SYNE3: variants seen among roughly 807,000 people sequenced by gnomAD.
SYNE3 encodes the protein nesprin-3.
SYNE3 carries 100 observed loss-of-function variants against 111.2 expected under a neutral mutation model. That is an observed-to-expected ratio of 0.90 (90% confidence interval 0.77 to 1.06). The LOEUF is 1.06. Ranked by LOEUF, SYNE3 falls within the 50% of genes least tolerant of loss-of-function variation. The pLI is 0.00. For missense variants in SYNE3, 1,160 were observed against 1,240.3 expected, an observed-to-expected ratio of 0.94 and a Z score of 0.97; for synonymous variants, 547 against 533.9, an observed-to-expected ratio of 1.02 and a Z score of -0.34.
intron 15 of SYNE3, among the ~76,000 whole-genome samples, chr14:95,434,167 G>T (rs943340396): frequency 6.6e-6 from 1 of 151,706 alleles, no homozygotes; most frequent in South Asian, 2.1e-4. Flanking sequence ...TAGATAATTG[G>T]GACCAAACCT....
At chr14:95,504,823 AAAAAAG>A (rs1226162016) in intron 1 of SYNE3, among the ~76,000 whole-genome samples, 4 of 22,462 alleles carry the variant, frequency 1.8e-4, no homozygotes, top group African/African-American at 1.2e-3. Flanking sequence ...TCTATCTAAA[AAAAAAG>A]AAAAAAGAAA....
chr14:95,466,015 G>C lies in SYNE3; in HGVS notation c.543C>G (p.Phe181Leu). 1 of 1,612,104 alleles carries C rather than the reference G, an allele frequency of 6.2e-7. No individual in the cohort carries two copies. The highest frequency in any genetic ancestry group is 8.5e-7 in the Non-Finnish European group (1 of 1,178,346). The change falls in exon 4 of 18, where the codon TTC becomes TTG. Residue 181 changes from phenylalanine to leucine, a missense_variant. Coordinates refer to ENST00000682763, the MANE Select transcript of SYNE3 (RefSeq NM_152592.6). The stretch of plus-strand genomic sequence containing the variant: ...CCACGCTGGGGTCCCCGATCCTGTT[G>C]AACAGGGAGGCTGCCTCCTCCAGCA... ...DRLLEEAASL[F>L]NRIGDPSVDE... is the part of the protein sequence containing the mutation.
rs147475911 is a variant in SYNE3 at position 95,497,613 on chromosome 14, C to T, written c.-15+18983G>A. On this transcript the variant is annotated intron_variant, in intron 1 of 17. Coordinates refer to ENST00000682763, the MANE Select transcript of SYNE3 (RefSeq NM_152592.6). ...GACTGCAAAGCGCTGCACTCTAGAG[C>T]GAGGGTTGGCAGACTGTTTCTGGAG... Among the ~76,000 whole-genome samples the T allele has an allele frequency of 5.3e-5, 8 of 152,232 alleles. No individual in the cohort carries two copies. In the East Asian group the frequency reaches 5.8e-4, roughly 11 times the overall value.
chr14:95,472,787 G>A (rs531757627), intron 2 of SYNE3, among the ~76,000 whole-genome samples: 9 of 152,258 alleles, frequency 5.9e-5, no homozygotes, highest in African/African-American at 1.9e-4. Flanking sequence ...CCCACCCCAC[G>A]AGGATTCTGG....
Position 95,459,627 on chromosome 14 carries a change from A to G in SYNE3, c.628-2289T>C, listed in dbSNP as rs189416562. On this transcript the variant is annotated intron_variant, in intron 4 of 17. Coordinates refer to ENST00000682763, the MANE Select transcript of SYNE3 (RefSeq NM_152592.6). ...AAGAGTGAACGGGTAAGTGCATCTG[A>G]AAAACCCCTTAGCTCTTTCACATAT... Among the ~76,000 whole-genome samples, 581 of 152,298 alleles carry G rather than the reference A, an allele frequency of 3.8e-3. 2 individuals are homozygous for G. Among genetic ancestry groups the G allele is most frequent in the African/African-American group, 0.013 (554 of 41,548 alleles).
At chr14:95,516,298 T>C (rs1890925739) in intron 1 of SYNE3, 2 of 152,116 alleles carry the variant, frequency 1.3e-5, no homozygotes, top group South Asian at 2.1e-4. Context: ...CCCGGGGCTT[T>C]AGGGCTTTTT....
At chr14:95,480,211 A>G (rs1306057756) in intron 1 of SYNE3, among the ~76,000 whole-genome samples, 1 of 152,032 alleles carries the variant, frequency 6.6e-6, no homozygotes, top group Non-Finnish European at 1.5e-5. Context: ...GCAGCGGGAG[A>G]GTAGGGCTCT....
intron 1 of SYNE3, among the ~76,000 whole-genome samples, chr14:95,499,945 C>T (rs969238176): frequency 1.5e-4 from 22 of 144,380 alleles, no homozygotes; most frequent in Non-Finnish European, 2.4e-4. Flanking sequence ...CTGCAACCTC[C>T]GCCTCCCATG....
At chr14:95,495,468 A>T (rs1381688517) in intron 1 of SYNE3, among the ~76,000 whole-genome samples, 2 of 152,320 alleles carry the variant, frequency 1.3e-5, no homozygotes, top group East Asian at 3.9e-4. Flanking sequence ...GTTGGGTAAA[A>T]TGTTATCAAA....
intron 17 of SYNE3, among the ~76,000 whole-genome samples, chr14:95,420,783 A>G (rs1331443240): frequency 1.3e-5 from 2 of 152,164 alleles, no homozygotes; most frequent in Non-Finnish European, 2.9e-5. Context: ...GCCAACAAGA[A>G]AAATGACAAT....
chr14:95,456,007 T>G (rs1887417860), intron 5 of SYNE3: 10 of 441,840 alleles, frequency 2.3e-5, no homozygotes, highest in Non-Finnish European at 4.0e-5. Context: ...TTTCTGACAT[T>G]TGTTTATCTT....
At chr14:95,472,242 G>T (rs1888572757) in intron 2 of SYNE3, among the ~76,000 whole-genome samples, 1 of 152,250 alleles carries the variant, frequency 6.6e-6, no homozygotes, top group South Asian at 2.1e-4. Flanking sequence ...ACACCAGGGT[G>T]CTCCTGACCA....
chr14:95,432,501 T>A (rs1885836474), intron 16 of SYNE3, among the ~76,000 whole-genome samples: 1 of 152,172 alleles, frequency 6.6e-6, no homozygotes, highest in Non-Finnish European at 1.5e-5. Flanking sequence ...TCCTCAGACT[T>A]AGGGACCTAG....
Position 95,461,297 on chromosome 14 carries a change from C to T in SYNE3, c.628-3959G>A, listed in dbSNP as rs45616143. ...GACGCGCCTTCTGTGAGGGCCGCCACGGGAAGCAGCGGGGGTGAGGATGCT... is the reference window on the plus strand; with the variant it reads ...GACGCGCCTTCTGTGAGGGCCGCCATGGGAAGCAGCGGGGGTGAGGATGCT... On this transcript the variant is annotated intron_variant, in intron 4 of 17. Coordinates refer to ENST00000682763, the MANE Select transcript of SYNE3 (RefSeq NM_152592.6). Among the ~76,000 whole-genome samples, 1,049 of 152,314 alleles carry T rather than the reference C, an allele frequency of 6.9e-3. 11 individuals are homozygous for T. The highest frequency in any genetic ancestry group is 0.031 in the Middle Eastern group (9 of 294).
chr14:95,439,843 T>C (rs1886309214), intron 12 of SYNE3, 59 bp from the exon 13 acceptor site: 42 of 1,590,554 alleles, frequency 2.6e-5, no homozygotes, highest in Middle Eastern at 1.7e-4. Context: ...AGGTTTCTGC[T>C]CCTTGGTGTG....
In SYNE3 at chr14:95,409,803, C is replaced by A. The variant is rs977362969; in HGVS notation, c.*8023G>T. The A allele has an allele frequency of 1.5e-5, 3 of 200,468 alleles. No individual in the cohort carries two copies. The highest frequency in any genetic ancestry group is 7.0e-5 in the African/African-American group (3 of 42,872). 12.4% of individuals were successfully genotyped at this position (200,468 alleles called of 1,614,324 possible). On this transcript the variant is annotated 3_prime_UTR_variant, in exon 18 of 18. Coordinates refer to ENST00000682763, the MANE Select transcript of SYNE3 (RefSeq NM_152592.6). ...TGACTCTGGGCCTCTGCTGAAGCAG[C>A]CTGCAGGCACTGGCAATTGGGTGAT...
At position 95,466,171 on chromosome 14, in the gene SYNE3, G is replaced by C. The variant is rs763309004; in HGVS notation, c.387C>G (p.Phe129Leu). ...LLARDEFYRW[F>L]QKMMVTLEPH... ...GCTCCAGTGTGACCATCATCTTCTG[G>C]AACCAGCGGTAGAACTCATCTCGGG... Residue 129 changes from phenylalanine (F) to leucine (L), a missense_variant, in exon 4 of 18, where the codon TTC (phenylalanine) becomes TTG (leucine). Coordinates refer to ENST00000682763, the MANE Select transcript of SYNE3 (RefSeq NM_152592.6). 7.5e-6 allele frequency: 12 copies of C among 1,605,422 alleles called. No homozygotes were observed. The highest frequency in any genetic ancestry group is 1.0e-5 in the Non-Finnish European group (12 of 1,173,120).
intron 1 of SYNE3, among the ~76,000 whole-genome samples, chr14:95,497,806 C>T (rs1890159503): frequency 6.6e-6 from 1 of 152,156 alleles, no homozygotes; most frequent in Admixed American, 6.5e-5. Flanking sequence ...ATTTGACCAG[C>T]AGGCCACAGT....
intron 1 of SYNE3, among the ~76,000 whole-genome samples, chr14:95,487,176 T>G (rs769552894): frequency 9.9e-5 from 15 of 152,216 alleles, no homozygotes; most frequent in Non-Finnish European, 1.6e-4. Context: ...CAGCCTCTGC[T>G]CCTCCTGGTA....
Sources: gnomAD v4.1 joint callset for allele counts (sites outside exome capture counted in the v4.1 genomes callset) on GRCh38, gnomAD v4.1.1 for gene constraint, MANE v1.5 for transcripts, NCBI Gene and HGNC (gene_info 2026-07-23, HGNC 2026-07-21) for gene names.